Variants in CYB5B observed in about 807,000 individuals in gnomAD.
The protein encoded by CYB5B is cytochrome b5 type B.
CYB5B carries 14 observed loss-of-function variants against 21.3 expected under a neutral mutation model. The ratio of observed to expected loss-of-function variants is 0.66; its 90% confidence interval spans 0.43 to 1.03. The LOEUF (loss-of-function observed/expected upper bound fraction) is 1.03. Among genes scored for constraint, CYB5B ranks in the 50% least tolerant of loss-of-function variants. CYB5B has a pLI of 0.00. For missense variants in CYB5B, 166 were observed against 185.1 expected, an observed-to-expected ratio of 0.90 and a Z score of 0.60; for synonymous variants, 69 against 68.4, an observed-to-expected ratio of 1.01 and a Z score of -0.04.
intron 1 of CYB5B, among the ~76,000 whole-genome samples, chr16:69,433,418 T>C (rs1167385271): frequency 6.6e-6 from 1 of 152,202 alleles, no homozygotes; most frequent in Non-Finnish European, 1.5e-5. Flanking sequence ...AAAGTGAATG[T>C]AGTTTCTCTT....
chr16:69,440,489 T>C (rs1408849849), intron 1 of CYB5B, among the ~76,000 whole-genome samples: 2 of 152,234 alleles, frequency 1.3e-5, no homozygotes, highest in African/African-American at 4.8e-5. Context: ...CATAACAGCA[T>C]AGATTCATTT....
In CYB5B at chr16:69,441,323, T is replaced by G. The variant is rs148302248; in HGVS notation, c.175-5827T>G. 5.2e-3 allele frequency among the ~76,000 whole-genome samples: 788 copies of G among 152,118 alleles called. 7 individuals carry two copies. Among genetic ancestry groups the G allele is most frequent in the African/African-American group, 0.018 (746 of 41,482 alleles). On this transcript the variant is annotated intron_variant, in intron 1 of 4. Coordinates refer to ENST00000307892, the MANE Select transcript of CYB5B (RefSeq NM_030579.3). ...GCACATGCCACCACATCCAGCTAAT[T>G]TTTTGTATTTTTAGTACAGACAGGG... is the stretch of plus-strand genomic sequence containing the variant.
chr16:69,427,993 CAAAAAAAA>C (rs71151104), intron 1 of CYB5B, among the ~76,000 whole-genome samples: 1 of 100,994 alleles, frequency 9.9e-6, no homozygotes, highest in Non-Finnish European at 2.0e-5. Context: ...GACTCTGTCT[CAAAAAAAA>C]AAAAAAAAAG....
intron 2 of CYB5B, among the ~76,000 whole-genome samples, chr16:69,447,595 A>C (rs895136312): frequency 4.0e-5 from 6 of 149,850 alleles, no homozygotes; most frequent in Non-Finnish European, 5.9e-5. Flanking sequence ...GTATGCCAAG[A>C]TTGCACCACT....
intron 1 of CYB5B, among the ~76,000 whole-genome samples, chr16:69,440,742 T>TTGTGTGTGTGTGTG (rs1555509697): frequency 6.6e-5 from 2 of 30,078 alleles, no homozygotes; most frequent in African/African-American, 5.5e-4. Context: ...GCCGTGTGTG[T>TTGTGTGTGTGTGTG]TGCGTGTGTG....
intron 1 of CYB5B, among the ~76,000 whole-genome samples, chr16:69,436,591 G>T (rs928160000): frequency 1.3e-5 from 2 of 152,176 alleles, no homozygotes; most frequent in Admixed American, 1.3e-4. Flanking sequence ...TTTTTAGGAA[G>T]TAGTTTTTGT....
chr16:69,455,803 A>G (rs1221917894), intron 3 of CYB5B, among the ~76,000 whole-genome samples: 1 of 152,140 alleles, frequency 6.6e-6, no homozygotes, highest in Non-Finnish European at 1.5e-5. Context: ...AGCTGGTGGA[A>G]GAGAGAAAAA....
chr16:69,458,290 A>G (rs1268790737), intron 3 of CYB5B, among the ~76,000 whole-genome samples: 2 of 152,036 alleles, frequency 1.3e-5, no homozygotes, highest in African/African-American at 4.8e-5. Flanking sequence ...GTCGTTTTCC[A>G]TTTCCCCACA....
At chr16:69,449,399 C>T (rs1231736709) in intron 3 of CYB5B, 3 of 152,126 alleles carry the variant, frequency 2.0e-5, no homozygotes, top group Non-Finnish European at 4.4e-5. Flanking sequence ...GTATATTGAA[C>T]ATGTCCAGAA....
intron 4 of CYB5B, 146 bp downstream of exon 4, chr16:69,459,267 TC>T: frequency 9.6e-7 from 1 of 1,039,084 alleles, no homozygotes; most frequent in Non-Finnish European, 1.4e-6. Flanking sequence ...ATTCAGTTGT[TC>T]CTTGACATTA....
At chr16:69,439,314 G>T (rs28670518) in intron 1 of CYB5B, among the ~76,000 whole-genome samples, 1 of 152,042 alleles carries the variant, frequency 6.6e-6, no homozygotes, top group East Asian at 1.9e-4. Context: ...GGGTTCAAGC[G>T]ATTCGACTGC....
chr16:69,450,949 A>G (rs1317687477), intron 3 of CYB5B, among the ~76,000 whole-genome samples: 1 of 152,146 alleles, frequency 6.6e-6, no homozygotes, highest in Non-Finnish European at 1.5e-5. Flanking sequence ...CCATTCCCTA[A>G]TTCTTTTAGA....
chr16:69,442,702 G>A (rs1321079543), intron 1 of CYB5B, among the ~76,000 whole-genome samples: 1 of 151,626 alleles, frequency 6.6e-6, no homozygotes, highest in African/African-American at 2.4e-5. Flanking sequence ...AATTTTTTTT[G>A]TGGAGAACAA....
At chr16:69,459,794 A>G (rs917387345) in intron 4 of CYB5B, among the ~76,000 whole-genome samples, 4 of 152,056 alleles carry the variant, frequency 2.6e-5, no homozygotes, top group African/African-American at 7.2e-5. Flanking sequence ...TTTTTTTCCC[A>G]TAAAGTATCA....
intron 3 of CYB5B, 56 bp downstream of exon 3, chr16:69,448,200 G>C (rs1024592092): frequency 6.4e-7 from 1 of 1,569,504 alleles, no homozygotes; most frequent in African/African-American, 1.4e-5. Context: ...AAGTAGGACT[G>C]CTTTTTGAAA....
intron 1 of CYB5B, among the ~76,000 whole-genome samples, chr16:69,430,217 A>T (rs862349): frequency 7.9e-5 from 12 of 152,008 alleles, no homozygotes; most frequent in African/African-American, 2.2e-4. Flanking sequence ...TATATAATGT[A>T]TTTTTTTTTC....
chr16:69,432,890 G>A (rs549078503), intron 1 of CYB5B, among the ~76,000 whole-genome samples: 4 of 152,150 alleles, frequency 2.6e-5, no homozygotes, highest in Admixed American at 2.6e-4. Flanking sequence ...TCCACCTCCC[G>A]GGTTCAAGCG....
rs2014713552 is a variant in CYB5B at position 69,432,250 on chromosome 16, A to C, written c.174+7393A>C. The stretch of plus-strand genomic sequence containing the variant: ...GCAATTTACAGACAGTCCCTGACTT[A>C]CTAGGGCTTGACTTAAAATTTTTTG... On this transcript the variant is annotated intron_variant, in intron 1 of 4. Transcript: ENST00000307892. Among the ~76,000 whole-genome samples, 4 of 152,366 alleles carry C rather than the reference A, an allele frequency of 2.6e-5. No individual in the cohort carries two copies. The South Asian group carries it at 8.3e-4, about 32-fold the overall frequency.
chr16:69,457,511 C>G (rs1369475293), intron 3 of CYB5B, among the ~76,000 whole-genome samples: 1 of 152,142 alleles, frequency 6.6e-6, no homozygotes, highest in Non-Finnish European at 1.5e-5. Context: ...TTCTCGGTTA[C>G]TGTAGTGGAA....
Sources: gnomAD v4.1 joint callset for allele counts (sites outside exome capture counted in the v4.1 genomes callset) on GRCh38, gnomAD v4.1.1 for gene constraint, MANE v1.5 for transcripts, NCBI Gene and HGNC (gene_info 2026-07-23, HGNC 2026-07-21) for gene names.